Variants in PRKAG2 observed in about 807,000 individuals in gnomAD.
PRKAG2 encodes the protein protein kinase AMP-activated non-catalytic subunit gamma 2.
In PRKAG2, 26 loss-of-function variants were observed where a neutral mutation model predicts 69.6. The ratio of observed to expected loss-of-function variants is 0.37; its 90% CI spans 0.27 to 0.52. The LOEUF is 0.52. Among genes scored for constraint, PRKAG2 ranks in the 20% least tolerant of loss-of-function variants. The probability of loss-of-function intolerance (pLI) is 0.90; values close to 1 mark genes in which losing one functional copy is unlikely to be tolerated. For missense variants in PRKAG2, 557 were observed against 740.0 expected, an observed-to-expected ratio of 0.75 and a Z score of 2.87; for synonymous variants, 293 against 285.0, an observed-to-expected ratio of 1.03 and a Z score of -0.28.
At chr7:151,739,856 C>T (rs796706305) in intron 3 of PRKAG2, among the ~76,000 whole-genome samples, 11 of 152,302 alleles carry the variant, frequency 7.2e-5, no homozygotes, top group African/African-American at 2.6e-4. Context: ...GCTGAAACCC[C>T]ATGAAACCCT....
At chr7:151,594,631 C>T (rs1206994164) in intron 6 of PRKAG2, among the ~76,000 whole-genome samples, 3 of 152,046 alleles carry the variant, frequency 2.0e-5, no homozygotes, top group Non-Finnish European at 4.4e-5. Context: ...ATATGTTCTA[C>T]TAAATAACTA....
At chr7:151,870,134 T>C (rs1486960123) in intron 1 of PRKAG2, among the ~76,000 whole-genome samples, 1 of 127,694 alleles carries the variant, frequency 7.8e-6, no homozygotes, top group African/African-American at 2.8e-5. Context: ...GATAGATAGA[T>C]AGATAGATAG....
At chr7:151,736,080 G>A in intron 3 of PRKAG2, 1 of 1,527,836 alleles carries the variant, frequency 6.5e-7, no homozygotes, top group South Asian at 1.2e-5. Context: ...GGGAGCCAGA[G>A]GAGCATCAGC....
chr7:151,610,231 TGGTGGC>T (rs1259463954), intron 5 of PRKAG2, among the ~76,000 whole-genome samples: 5 of 151,730 alleles, frequency 3.3e-5, no homozygotes, highest in African/African-American at 1.2e-4. Flanking sequence ...TATCCGGGCA[TGGTGGC>T]GGGTGCCTGT....
At chr7:151,736,691 T>C (rs546773864) in intron 3 of PRKAG2, among the ~76,000 whole-genome samples, 2 of 152,336 alleles carry the variant, frequency 1.3e-5, no homozygotes, top group East Asian at 3.9e-4. Flanking sequence ...GAATCTACCC[T>C]GGCTCACGGT....
intron 3 of PRKAG2, among the ~76,000 whole-genome samples, chr7:151,690,428 T>C (rs1835486417): frequency 6.6e-6 from 1 of 152,184 alleles, no homozygotes; most frequent in Admixed American, 6.5e-5. Flanking sequence ...CTCCCCTTTC[T>C]ACACATTGCT....
At chr7:151,833,753 G>C (rs557553035) in intron 1 of PRKAG2, among the ~76,000 whole-genome samples, 1 of 152,222 alleles carries the variant, frequency 6.6e-6, no homozygotes, top group African/African-American at 2.4e-5. Context: ...TTGGCACGAG[G>C]CAAGCCCAGA....
intron 3 of PRKAG2, among the ~76,000 whole-genome samples, chr7:151,767,471 A>G (rs1378204373): frequency 6.6e-6 from 1 of 152,136 alleles, no homozygotes; most frequent in African/African-American, 2.4e-5. Context: ...TTGTATTTTT[A>G]GTAGAGATGG....
At chr7:151,705,975 G>A (rs995649534) in intron 3 of PRKAG2, among the ~76,000 whole-genome samples, 1 of 152,084 alleles carries the variant, frequency 6.6e-6, no homozygotes, top group Non-Finnish European at 1.5e-5. Context: ...AGAACTTCAA[G>A]CCAGGAGCCT....
At position 151,768,576 on chromosome 7, in the gene PRKAG2, C is replaced by T. The variant is rs534543284; in HGVS notation, c.466+12576G>A. On this transcript the variant is annotated intron_variant, in intron 3 of 15. Coordinates refer to ENST00000287878, the MANE Select transcript of PRKAG2 (RefSeq NM_016203.4). ...TGTCTCCTGAGTTCAAGCGATCCTC[C>T]TGCCTCAGCCTCCCTTAGTAGCTCG... 7.4e-3 allele frequency among the ~76,000 whole-genome samples: 1,133 copies of T among 152,340 alleles called. 4 individuals are homozygous for T. Among genetic ancestry groups the T allele is most frequent in the Non-Finnish European group, 0.014 (958 of 68,034 alleles).
intron 3 of PRKAG2, among the ~76,000 whole-genome samples, chr7:151,696,723 G>A (rs1836741440): frequency 6.6e-6 from 1 of 152,206 alleles, no homozygotes. Context: ...CGGAAGGCAG[G>A]GTCAGGCCAA....
intron 3 of PRKAG2, among the ~76,000 whole-genome samples, chr7:151,753,527 T>A (rs1194431243): frequency 6.6e-6 from 1 of 152,170 alleles, no homozygotes; most frequent in East Asian, 1.9e-4. Context: ...GAGAACTCTT[T>A]GTATTATTTT....
chr7:151,558,446 G>A (rs977433639), intron 15 of PRKAG2: 1 of 985,174 alleles, frequency 1.0e-6, no homozygotes, highest in Non-Finnish European at 1.2e-6. Flanking sequence ...AGACGGGCCT[G>A]TATCAGCCGG....
At chr7:151,773,595 T>C (rs561006891) in intron 3 of PRKAG2, among the ~76,000 whole-genome samples, 44 of 152,364 alleles carry the variant, frequency 2.9e-4, no homozygotes, top group African/African-American at 1.1e-3. Flanking sequence ...CAGACTTTTA[T>C]AAGGAGCAAA....
At position 151,839,626 on chromosome 7, in the gene PRKAG2, G is replaced by T. The variant is rs564995892; in HGVS notation, c.114+36881C>A. On this transcript the variant is annotated intron_variant, in intron 1 of 15. Coordinates refer to ENST00000287878, the MANE Select transcript of PRKAG2 (RefSeq NM_016203.4). ...AGAATTCCTTCAGCAGGGAATGAGG[G>T]TGTCATGGAGACGCCGCCTCGGGCC... Among the ~76,000 whole-genome samples, 148 of 152,328 alleles carry T rather than the reference G, an allele frequency of 9.7e-4. 2 individuals carry two copies. Among genetic ancestry groups the T allele is most frequent in the South Asian group, 9.1e-3 (44 of 4,824 alleles).
At chr7:151,673,882 A>G (rs953154739) in intron 4 of PRKAG2, among the ~76,000 whole-genome samples, 4 of 125,222 alleles carry the variant, frequency 3.2e-5, no homozygotes, top group Non-Finnish European at 4.7e-5. Context: ...TCGCTCTGTC[A>G]CCCAGGCCGG....
chr7:151,775,068 G>T (rs1487188018), intron 3 of PRKAG2, among the ~76,000 whole-genome samples: 2 of 152,240 alleles, frequency 1.3e-5, no homozygotes, highest in Non-Finnish European at 1.5e-5. Context: ...CTCCATGGGG[G>T]AAGCAGCTTA....
At chr7:151,831,751 T>TCAC (rs1563737097) in intron 1 of PRKAG2, among the ~76,000 whole-genome samples, 1,918 of 152,264 alleles carry the variant, frequency 0.013, 32 homozygotes, top group African/African-American at 0.043. Context: ...TGGAGGGAGT[T>TCAC]CTGTGTGCCC....
At position 151,807,819 on chromosome 7, in the gene PRKAG2, T is replaced by C. The variant is rs534664379; in HGVS notation, c.115-21278A>G. ...CTACTCTCAGAAGACCCAAAAGGCA[T>C]AGGGGAGAGAAGAGATAAATCTGGA... On this transcript the variant is annotated intron_variant, in intron 1 of 15. Transcript: ENST00000287878. The surrounding 1 kb of genome is among the most constrained non-coding windows in gnomAD (Gnocchi z 4.4). Among the ~76,000 whole-genome samples the C allele has an allele frequency of 2.6e-5, 4 of 151,996 alleles. No individual in the cohort carries two copies. The highest frequency in any genetic ancestry group is 9.7e-5 in the African/African-American group (4 of 41,442).
Sources: allele counts gnomAD v4.1 joint callset (sites outside exome capture counted in the v4.1 genomes callset), GRCh38; gene constraint gnomAD v4.1.1; non-coding constraint Gnocchi (gnomAD v3.1); transcripts MANE v1.5; gene names NCBI Gene and HGNC (gene_info 2026-07-23, HGNC 2026-07-21).